FTO: variants seen among roughly 807,000 people sequenced by gnomAD.
The protein encoded by FTO is FTO alpha-ketoglutarate dependent dioxygenase.
FTO carries 47 observed loss-of-function variants against 63.9 expected under a neutral mutation model. The observed-to-expected ratio is 0.74, with a 90% CI of 0.58 to 0.94. The LOEUF (loss-of-function observed/expected upper bound fraction) is 0.94. Ranked by LOEUF, FTO falls within the 40% of genes least tolerant of loss-of-function variation. The pLI, the probability that FTO is intolerant of heterozygous loss-of-function variation, is 0.00. For missense variants in FTO, 562 were observed against 618.1 expected (o/e 0.91, Z 0.96); for synonymous variants, 207 against 224.4 (o/e 0.92, Z 0.69).
chr16:53,911,074 G>A (rs1202526168), intron 7 of FTO, among the ~76,000 whole-genome samples: 5 of 152,240 alleles, frequency 3.3e-5, no homozygotes, highest in South Asian at 2.1e-4. Context: ...TGGTAGAGAC[G>A]TCAGAGCCAA....
At chr16:54,056,865 T>G (rs2085448139) in intron 8 of FTO, among the ~76,000 whole-genome samples, 1 of 152,226 alleles carries the variant, frequency 6.6e-6, no homozygotes, top group South Asian at 2.1e-4. Flanking sequence ...TGGAGGTAAT[T>G]TGTTACCCGG....
chr16:53,789,080 G>A (rs2077827062), intron 1 of FTO, among the ~76,000 whole-genome samples: 1 of 152,146 alleles, frequency 6.6e-6, no homozygotes, highest in Non-Finnish European at 1.5e-5. Flanking sequence ...TGTAAAACAT[G>A]AAGATATTCT....
At chr16:53,741,158 G>C (rs150286311) in intron 1 of FTO, among the ~76,000 whole-genome samples, 1 of 152,204 alleles carries the variant, frequency 6.6e-6, no homozygotes, top group African/African-American at 2.4e-5. Context: ...ATATTATCTA[G>C]ACTGCTTTCA....
At chr16:54,017,217 C>G (rs2084471865) in intron 8 of FTO, among the ~76,000 whole-genome samples, 1 of 152,170 alleles carries the variant, frequency 6.6e-6, no homozygotes, top group Non-Finnish European at 1.5e-5. Context: ...AAGCATCCAT[C>G]AATTTTTTAT....
At chr16:54,032,074 C>T (rs1312239573) in intron 8 of FTO, among the ~76,000 whole-genome samples, 1 of 152,200 alleles carries the variant, frequency 6.6e-6, no homozygotes, top group African/African-American at 2.4e-5. Context: ...CCGAGGCTAA[C>T]AGTGACATGA....
At chr16:53,812,000 A>G (rs532282876) in intron 2 of FTO, among the ~76,000 whole-genome samples, 9 of 152,102 alleles carry the variant, frequency 5.9e-5, no homozygotes, top group Admixed American at 4.6e-4. Context: ...TTTTGTAGAG[A>G]CAGGGTTTCA....
chr16:54,017,191 G>A (rs1258612503), intron 8 of FTO, among the ~76,000 whole-genome samples: 2 of 152,164 alleles, frequency 1.3e-5, no homozygotes, highest in Non-Finnish European at 2.9e-5. Flanking sequence ...ATGTATTGTT[G>A]AGAAGTAGCA....
At chr16:53,846,504 T>A (rs1245716710) in intron 4 of FTO, among the ~76,000 whole-genome samples, 2 of 152,072 alleles carry the variant, frequency 1.3e-5, no homozygotes, top group Non-Finnish European at 2.9e-5. Flanking sequence ...TTTTACTTTT[T>A]AAAAATATAA....
chr16:54,069,669 G>T (rs2085817263), intron 8 of FTO, among the ~76,000 whole-genome samples: 1 of 152,080 alleles, frequency 6.6e-6, no homozygotes, highest in Non-Finnish European at 1.5e-5. Flanking sequence ...TTAATGGAAA[G>T]ATTAGTTGGA....
chr16:53,946,166 CA>C (rs5816911), intron 8 of FTO, among the ~76,000 whole-genome samples: 10,501 of 149,958 alleles, frequency 0.07, 913 homozygotes, highest in African/African-American at 0.21. Context: ...TGTCCCAGGA[CA>C]AAAAAAACAA....
chr16:53,968,365 C>A (rs1372309394), intron 8 of FTO, among the ~76,000 whole-genome samples: 1 of 152,158 alleles, frequency 6.6e-6, no homozygotes, highest in Non-Finnish European at 1.5e-5. Flanking sequence ...GTCCTAAGTT[C>A]CTTCAGATTC....
intron 1 of FTO, among the ~76,000 whole-genome samples, chr16:53,771,468 C>T (rs1598618330): frequency 1.3e-5 from 2 of 151,818 alleles, no homozygotes; most frequent in African/African-American, 2.4e-5. Flanking sequence ...ATCTAGTCTC[C>T]TTGCTTCTTT....
intron 6 of FTO, among the ~76,000 whole-genome samples, chr16:53,881,480 G>T (rs1727060509): frequency 6.6e-6 from 1 of 152,190 alleles, no homozygotes; most frequent in Non-Finnish European, 1.5e-5. Flanking sequence ...ACACAGGACA[G>T]TCATTGCTTA....
intron 4 of FTO, among the ~76,000 whole-genome samples, chr16:53,867,607 C>T (rs1311125672): frequency 6.6e-6 from 1 of 151,698 alleles, no homozygotes; most frequent in Non-Finnish European, 1.5e-5. Flanking sequence ...CGTGTTTTAT[C>T]GCCCAGAATG....
chr16:53,791,010 G>C (rs1175572340), intron 1 of FTO, among the ~76,000 whole-genome samples: 1 of 152,186 alleles, frequency 6.6e-6, no homozygotes, highest in Non-Finnish European at 1.5e-5. Flanking sequence ...GGATGTCATA[G>C]AAACGAAGGG....
At position 53,877,079 on chromosome 16, in the gene FTO, T is replaced by C. The variant is rs191999920; in HGVS notation, c.976-2765T>C. ...CTAGAATAAAAAAGACAGTGACAAG[T>C]GTTGGTGAGGACATGCAGGAAGTGG... On this transcript the variant is annotated intron_variant, in intron 5 of 8. Transcript: ENST00000471389. Among the ~76,000 whole-genome samples, 39 of 152,270 alleles carry C rather than the reference T, an allele frequency of 2.6e-4. No individual in the cohort carries two copies. The East Asian group carries it at 5.8e-3, about 23-fold the overall frequency.
chr16:53,722,849 G>T (rs1321035083), intron 1 of FTO, among the ~76,000 whole-genome samples: 1 of 151,652 alleles, frequency 6.6e-6, no homozygotes, highest in Admixed American at 6.6e-5. Flanking sequence ...AAAATGTTTT[G>T]TGTAAAACCA....
intron 1 of FTO, among the ~76,000 whole-genome samples, chr16:53,809,242 A>G (rs537146628): frequency 6.6e-6 from 1 of 152,232 alleles, no homozygotes; most frequent in Non-Finnish European, 1.5e-5. Context: ...GAATTGGAAA[A>G]GAGAAGAAAC....
At chr16:53,883,247 C>G (rs1329258609) in intron 6 of FTO, among the ~76,000 whole-genome samples, 1 of 152,186 alleles carries the variant, frequency 6.6e-6, no homozygotes, top group African/African-American at 2.4e-5. Flanking sequence ...TTGTGACTGA[C>G]TGTGATGTTT....
Sources: gnomAD v4.1 joint callset for allele counts (sites outside exome capture counted in the v4.1 genomes callset) on GRCh38, gnomAD v4.1.1 for gene constraint, MANE v1.5 for transcripts, NCBI Gene and HGNC (gene_info 2026-07-23, HGNC 2026-07-21) for gene names.